ULK4: variants seen among roughly 807,000 people sequenced by gnomAD.
The protein encoded by ULK4 is inactive serine/threonine-protein kinase ULK4.
ULK4 carries 133 observed loss-of-function variants against 160.6 expected under a neutral mutation model. That is an observed-to-expected ratio of 0.83 (90% CI 0.72 to 0.96). The LOEUF is 0.96. Among genes scored for constraint, ULK4 ranks in the 40% least tolerant of loss-of-function variants. The pLI is 0.00. For synonymous variants in ULK4, 534 were observed against 539.8 expected (o/e 0.99, Z 0.15); for missense variants, 1,580 against 1,499.5 (o/e 1.05, Z -0.89).
intron 31 of ULK4, among the ~76,000 whole-genome samples, chr3:41,601,473 C>G (rs2032058998): frequency 6.6e-6 from 1 of 152,088 alleles, no homozygotes; most frequent in Non-Finnish European, 1.5e-5. Flanking sequence ...TACTTAGAAA[C>G]TTGCTTTCAA....
intron 1 of ULK4, among the ~76,000 whole-genome samples, chr3:41,955,238 C>T (rs533330330): frequency 1.3e-5 from 2 of 152,276 alleles, no homozygotes; most frequent in East Asian, 3.9e-4. Context: ...TGCAGTGAGC[C>T]GAGATCGCAC....
At chr3:41,886,666 C>G (rs138674842) in intron 16 of ULK4, among the ~76,000 whole-genome samples, 8,961 of 151,808 alleles carry the variant, frequency 0.059, 842 homozygotes, top group African/African-American at 0.21. Flanking sequence ...CCCTCCGCCT[C>G]CTGGGTTCAA....
Position 41,933,792 on chromosome 3 carries a change from G to A in ULK4, c.379-1786C>T, listed in dbSNP as rs141581545. Among the ~76,000 whole-genome samples the A allele has an allele frequency of 5.2e-3, 796 of 152,200 alleles. 6 individuals are homozygous for A. Among genetic ancestry groups the A allele is most frequent in the African/African-American group, 0.018 (743 of 41,538 alleles). ...TAGCCAGGCATGGTGGCTCACGCCT[G>A]TAATCCCAGCACTTTGGGAAGCCAA... On this transcript the variant is annotated intron_variant, in intron 4 of 36. Transcript: ENST00000301831.
chr3:41,674,334 G>T (rs2125779566), intron 29 of ULK4, among the ~76,000 whole-genome samples: 1 of 152,302 alleles, frequency 6.6e-6, no homozygotes, highest in East Asian at 1.9e-4. Context: ...TTAAACTTCT[G>T]AGAGGTGCTG....
chr3:41,891,783 T>A (rs1330318163), intron 16 of ULK4, among the ~76,000 whole-genome samples: 1 of 152,140 alleles, frequency 6.6e-6, no homozygotes, highest in Admixed American at 6.5e-5. Context: ...CAGGTGCCTA[T>A]AATCCCAGCT....
chr3:41,285,269 T>C (rs1277171580), intron 35 of ULK4, among the ~76,000 whole-genome samples: 1 of 152,206 alleles, frequency 6.6e-6, no homozygotes, highest in Non-Finnish European at 1.5e-5. Flanking sequence ...AGTCATTATA[T>C]GAAAAAGATA....
intron 12 of ULK4, among the ~76,000 whole-genome samples, 180 bp from the exon 13 acceptor site, chr3:41,901,009 G>C (rs904705719): frequency 2.6e-5 from 4 of 151,968 alleles, no homozygotes; most frequent in Non-Finnish European, 4.4e-5. Flanking sequence ...TAAACTGTAG[G>C]CACCATCATT....
intron 2 of ULK4, among the ~76,000 whole-genome samples, chr3:41,953,306 T>TACATA (rs1447473585): frequency 5.1e-4 from 47 of 91,812 alleles, no homozygotes; most frequent in Non-Finnish European, 8.0e-4. Context: ...ATATATATAT[T>TACATA]TTTTTTTTTT....
At chr3:41,386,934 A>G (rs2081827406) in intron 35 of ULK4, among the ~76,000 whole-genome samples, 1 of 152,148 alleles carries the variant, frequency 6.6e-6, no homozygotes, top group South Asian at 2.1e-4. Flanking sequence ...CTATCATTTT[A>G]TCAATACTAA....
intron 32 of ULK4, among the ~76,000 whole-genome samples, chr3:41,465,842 T>C (rs564054946): frequency 2.1e-4 from 32 of 152,304 alleles, no homozygotes; most frequent in African/African-American, 7.5e-4. Flanking sequence ...GTTGTTATTT[T>C]GAAAAGGAAA....
intron 35 of ULK4, among the ~76,000 whole-genome samples, chr3:41,253,513 A>G (rs2125670078): frequency 6.6e-6 from 1 of 152,032 alleles, no homozygotes; most frequent in African/African-American, 2.4e-5. Flanking sequence ...ATACAAAGAG[A>G]TGTAATTTAA....
At chr3:41,937,444 T>C (rs983040102) in intron 3 of ULK4, 2 of 599,174 alleles carry the variant, frequency 3.3e-6, no homozygotes, top group Non-Finnish European at 5.9e-6. Flanking sequence ...ATAAAGCTAG[T>C]AATAATTATA....
At chr3:41,715,905 A>G (rs958047338) in intron 23 of ULK4, among the ~76,000 whole-genome samples, 1 of 152,002 alleles carries the variant, frequency 6.6e-6, no homozygotes, top group Non-Finnish European at 1.5e-5. Context: ...TTTTGCAAAC[A>G]AGAAAAAATA....
At chr3:41,835,719 C>G in intron 18 of ULK4, 145 bp downstream of exon 18, 1 of 536,252 alleles carries the variant, frequency 1.9e-6, no homozygotes, top group Non-Finnish European at 3.3e-6. Flanking sequence ...GACAAATTCT[C>G]TCCCCAAGAG....
intron 31 of ULK4, among the ~76,000 whole-genome samples, chr3:41,585,556 G>A (rs117557661): frequency 2.2e-3 from 333 of 152,154 alleles, no homozygotes; most frequent in East Asian, 0.013. Context: ...GCTCTAAAAC[G>A]ATAAAACTTC....
At chr3:41,599,299 G>A (rs1167660346) in intron 31 of ULK4, among the ~76,000 whole-genome samples, 2 of 152,160 alleles carry the variant, frequency 1.3e-5, no homozygotes, top group Admixed American at 6.5e-5. Context: ...TGATTAGGAT[G>A]AGGATAATCT....
intron 31 of ULK4, among the ~76,000 whole-genome samples, chr3:41,583,097 T>C (rs1307652715): frequency 2.0e-5 from 3 of 152,176 alleles, no homozygotes; most frequent in Non-Finnish European, 2.9e-5. Flanking sequence ...CAGAGTACTA[T>C]TAGCTATTTT....
At chr3:41,439,984 C>T (rs1332490185) in intron 34 of ULK4, among the ~76,000 whole-genome samples, 1 of 152,134 alleles carries the variant, frequency 6.6e-6, no homozygotes, top group Non-Finnish European at 1.5e-5. Flanking sequence ...AAACGCATTA[C>T]TTATTTCAAT....
intron 17 of ULK4, chr3:41,869,129 T>G (rs1465505490): frequency 6.6e-6 from 1 of 152,164 alleles, no homozygotes; most frequent in Non-Finnish European, 1.5e-5. Context: ...ATTCACTATT[T>G]AGTAATTACT....
Sources: allele counts gnomAD v4.1 joint callset (sites outside exome capture counted in the v4.1 genomes callset), GRCh38; gene constraint gnomAD v4.1.1; transcripts MANE v1.5; gene names NCBI Gene and HGNC (gene_info 2026-07-23, HGNC 2026-07-21).